ECM2: variants seen among roughly 807,000 people sequenced by gnomAD.
ECM2 encodes extracellular matrix protein 2, female organ and adipocyte specific.
In ECM2, 57 loss-of-function variants were observed where a neutral mutation model predicts 67.5. That is an observed-to-expected ratio of 0.84 (90% CI 0.68 to 1.05). ECM2 has a LOEUF of 1.05. Among genes scored for constraint, ECM2 ranks in the 50% least tolerant of loss-of-function variants. The pLI is 0.00. For synonymous variants in ECM2, 258 were observed against 294.5 expected (o/e 0.88, Z 1.27); for missense variants, 741 against 822.8 (o/e 0.90, Z 1.22).
chr9:92,499,335 T>A (rs766793332), intron 9 of ECM2, among the ~76,000 whole-genome samples: 7 of 152,188 alleles, frequency 4.6e-5, no homozygotes, highest in Non-Finnish European at 1.0e-4. Flanking sequence ...CCTTTCAAAG[T>A]GACAAAGCAG....
the ECM2 span, among the ~76,000 whole-genome samples, chr9:92,551,925 G>GTGTATATATATATATA: frequency 1.2e-5 from 1 of 84,568 alleles, no homozygotes; most frequent in African/African-American, 8.1e-5. Flanking sequence ...TGGTGTGTGT[G>GTGTATATATATATATA]TATATATATA....
At chr9:92,531,546 A>G (rs1217675065) in intron 1 of ECM2, among the ~76,000 whole-genome samples, 1 of 152,070 alleles carries the variant, frequency 6.6e-6, no homozygotes, top group Non-Finnish European at 1.5e-5. Context: ...TTCTTTTTTT[A>G]TGGGGAGATG....
In ECM2 at chr9:92,522,889, A is replaced by C. The variant is rs1848166208; in HGVS notation, c.-23T>G. On this transcript the variant is annotated 5_prime_UTR_variant, in exon 2 of 10. In the 5' UTR this introduces an upstream ATG that the reference lacks. Transcript: ENST00000344604. ...CATGTTTGATTTTTTTCCACCAGCC[A>C]ATTTCTAGAATGAAACAATATTTCA... is the stretch of plus-strand genomic sequence containing the variant. 1 of 1,573,186 alleles carries C rather than the reference A, an allele frequency of 6.4e-7. No homozygotes were observed. The highest frequency in any genetic ancestry group is 8.6e-7 in the Non-Finnish European group (1 of 1,166,462).
chr9:92,556,797 G>A, the ECM2 span, among the ~76,000 whole-genome samples: 1 of 152,300 alleles, frequency 6.6e-6, no homozygotes, highest in South Asian at 2.1e-4. Context: ...CTGCTGTTGT[G>A]TATCTTTTAA....
chr9:92,515,095 G>A lies in ECM2; in HGVS notation c.590C>T (p.Pro197Leu). 6.2e-7 allele frequency: 1 copy of A among 1,614,034 alleles called. No homozygotes were observed. The highest frequency in any genetic ancestry group is 8.5e-7 in the Non-Finnish European group (1 of 1,180,022). Residue 197 changes from proline to leucine, a missense_variant, in exon 4 of 10, where the codon CCT becomes CTT. Pro to Leu is a moderately conservative substitution (Grantham distance 98, BLOSUM62 -3). Coordinates refer to ENST00000344604, the MANE Select transcript of ECM2 (RefSeq NM_001393.4). Reference sequence around the variant, plus strand: ...TATTCGGTCCATTCCCACCTGAGGAGGTGGCAGTTGCTTATGAAGTAAATT... The same window carrying A: ...TATTCGGTCCATTCCCACCTGAGGAAGTGGCAGTTGCTTATGAAGTAAATT... ...PTNLLHKQLP[P>L]PQVGMDRIVR...
At chr9:92,527,091 CTCCGCT>C (rs1848461630) in intron 1 of ECM2, among the ~76,000 whole-genome samples, 1 of 152,164 alleles carries the variant, frequency 6.6e-6, no homozygotes, top group African/African-American at 2.4e-5. Flanking sequence ...TCACTGCAAC[CTCCGCT>C]TCCTGGGCTC....
the ECM2 span, among the ~76,000 whole-genome samples, chr9:92,548,500 A>G: frequency 1.3e-5 from 2 of 152,234 alleles, no homozygotes; most frequent in African/African-American, 4.8e-5. Flanking sequence ...AAACTTTTCT[A>G]CAACACAAAT....
At chr9:92,506,054 A>G (rs888933169) in intron 6 of ECM2, among the ~76,000 whole-genome samples, 1 of 152,240 alleles carries the variant, frequency 6.6e-6, no homozygotes, top group African/African-American at 2.4e-5. Context: ...TTTGGAATTC[A>G]GGTAGGAAAG....
At chr9:92,522,237 C>T (rs999532761) in intron 2 of ECM2, among the ~76,000 whole-genome samples, 1 of 151,998 alleles carries the variant, frequency 6.6e-6, no homozygotes, top group Non-Finnish European at 1.5e-5. Flanking sequence ...CAGGTACATG[C>T]CACCACACCC....
At chr9:92,515,869 C>T (rs145163003) in intron 3 of ECM2, among the ~76,000 whole-genome samples, 1 of 152,264 alleles carries the variant, frequency 6.6e-6, no homozygotes, top group Non-Finnish European at 1.5e-5. Flanking sequence ...GTTGCTTTAA[C>T]TTAGACATAT....
At chr9:92,496,617 A>G in intron 9 of ECM2, 134 bp from the exon 10 acceptor site, 1 of 1,082,276 alleles carries the variant, frequency 9.2e-7, no homozygotes, top group Non-Finnish European at 1.2e-6. Flanking sequence ...ATAAATTCCA[A>G]CTACGTCAGA....
At chr9:92,526,309 G>A (rs1190322714) in intron 1 of ECM2, among the ~76,000 whole-genome samples, 2 of 152,250 alleles carry the variant, frequency 1.3e-5, no homozygotes, top group Non-Finnish European at 2.9e-5. Flanking sequence ...AAATATTTTT[G>A]TACAACTGTA....
At chr9:92,556,737 G>C in the ECM2 span, among the ~76,000 whole-genome samples, 1 of 152,190 alleles carries the variant, frequency 6.6e-6, no homozygotes. Context: ...TATGTGTTAA[G>C]TGAGTCTCCT....
At chr9:92,530,443 T>A (rs1279330133) in intron 1 of ECM2, among the ~76,000 whole-genome samples, 2 of 152,228 alleles carry the variant, frequency 1.3e-5, no homozygotes, top group Non-Finnish European at 2.9e-5. Context: ...AGTCATTTTA[T>A]GCCAATAAAA....
intron 3 of ECM2, among the ~76,000 whole-genome samples, chr9:92,516,069 T>C (rs1202758954): frequency 7.0e-6 from 1 of 142,158 alleles, no homozygotes; most frequent in Non-Finnish European, 1.6e-5. Context: ...GCATACTTTT[T>C]TTTCCCCCCC....
In ECM2 at chr9:92,509,912, T is replaced by A; in HGVS notation, c.1293A>T (p.Glu431Asp). 1 of 1,604,032 alleles carries A rather than the reference T, an allele frequency of 6.2e-7. No individual in the cohort carries two copies. Among genetic ancestry groups the A allele is most frequent in the South Asian group, 1.1e-5 (1 of 88,880 alleles). The change falls in exon 6 of 10, where the codon GAA becomes GAT. Residue 431 changes from glutamate to aspartate, a missense_variant. Coordinates refer to ENST00000344604, the MANE Select transcript of ECM2 (RefSeq NM_001393.4). The part of the protein sequence containing the change: ...VNENNLQAID[E>D]ESLSDLNQLV... ...AATATTAAATACCTGATAAACTTTC[T>A]TCATCGATAGCCTGAAGATTGTTCT...
intron 1 of ECM2, among the ~76,000 whole-genome samples, chr9:92,529,723 T>G (rs764142706): frequency 6.6e-4 from 101 of 152,302 alleles, no homozygotes; most frequent in Non-Finnish European, 1.2e-3. Flanking sequence ...AGATGGCATA[T>G]GTATGATTTC....
At chr9:92,541,481 C>T (rs1024832230), upstream of ECM2, among the ~76,000 whole-genome samples, 2 of 147,012 alleles carry the variant, frequency 1.4e-5, no homozygotes, top group African/African-American at 5.0e-5. Context: ...CTGCCTCAGC[C>T]TCCCGAGTAG....
At chr9:92,551,820 A>G in the ECM2 span, among the ~76,000 whole-genome samples, 6 of 151,170 alleles carry the variant, frequency 4.0e-5, no homozygotes, top group Non-Finnish European at 5.9e-5. Flanking sequence ...ATAGTCTCCA[A>G]TCTCATCCAG....
Sources: allele counts gnomAD v4.1 joint callset (sites outside exome capture counted in the v4.1 genomes callset), GRCh38; gene constraint gnomAD v4.1.1; transcripts MANE v1.5; gene names NCBI Gene and HGNC (gene_info 2026-07-23, HGNC 2026-07-21).